MSRA: variants seen among roughly 807,000 people sequenced by gnomAD.
MSRA encodes mitochondrial peptide methionine sulfoxide reductase.
A neutral mutation model predicts 31.3 loss-of-function variants in MSRA; 54 were observed. That is an observed-to-expected ratio of 1.73 (90% CI 1.39 to 2.17). The LOEUF is 2.17. MSRA is among the 30% of genes most tolerant of loss of function. The pLI, the probability that MSRA is intolerant of heterozygous loss-of-function variation, is 0.00. For synonymous variants in MSRA, 169 were observed against 116.5 expected, an observed-to-expected ratio of 1.45 and a Z score of -2.90; for missense variants, 507 against 300.9, an observed-to-expected ratio of 1.69 and a Z score of -5.07.
chr8:10,291,861 T>C (rs985496936), intron 3 of MSRA, among the ~76,000 whole-genome samples: 12 of 152,106 alleles, frequency 7.9e-5, no homozygotes, highest in African/African-American at 2.9e-4. Context: ...CTAAGTCAAG[T>C]CTTTTTATTT....
At chr8:10,344,983 C>T (rs916242719) in intron 5 of MSRA, among the ~76,000 whole-genome samples, 1 of 152,120 alleles carries the variant, frequency 6.6e-6, no homozygotes, top group Non-Finnish European at 1.5e-5. Flanking sequence ...GGACAGCATT[C>T]GGTTTGGCGG....
chr8:10,088,692 C>T (rs1468216788), intron 1 of MSRA, among the ~76,000 whole-genome samples: 1 of 151,962 alleles, frequency 6.6e-6, no homozygotes, highest in East Asian at 1.9e-4. Context: ...GCTGAGATCA[C>T]ACCACTGTGC....
intron 5 of MSRA, among the ~76,000 whole-genome samples, chr8:10,323,282 A>G (rs1802161714): frequency 1.3e-5 from 2 of 152,004 alleles, no homozygotes; most frequent in African/African-American, 2.4e-5. Context: ...TAAAGGCAGT[A>G]TTTATAACTA....
At chr8:10,168,267 C>T (rs775163244) in intron 1 of MSRA, among the ~76,000 whole-genome samples, 1 of 152,170 alleles carries the variant, frequency 6.6e-6, no homozygotes, top group African/African-American at 2.4e-5. Flanking sequence ...AATCTTGGTT[C>T]TAAAACCTTG....
chr8:10,167,334 C>A (rs1805231413), intron 1 of MSRA, among the ~76,000 whole-genome samples: 1 of 152,154 alleles, frequency 6.6e-6, no homozygotes, highest in South Asian at 2.1e-4. Flanking sequence ...AAACCAATCA[C>A]ATAATGATCT....
intron 1 of MSRA, among the ~76,000 whole-genome samples, chr8:10,078,596 A>G (rs1368439341): frequency 6.6e-6 from 1 of 152,240 alleles, no homozygotes; most frequent in East Asian, 1.9e-4. Flanking sequence ...GTGAAAGTGT[A>G]GGGCTGGCAG....
intron 5 of MSRA, among the ~76,000 whole-genome samples, chr8:10,365,878 C>G (rs965982434): frequency 2.6e-5 from 4 of 152,226 alleles, no homozygotes; most frequent in Non-Finnish European, 5.9e-5. Flanking sequence ...ACTCCTGGCT[C>G]CAGGCATCTC....
rs571868174 is a variant in MSRA, at chr8:10,412,305, C to T, written c.544-15843C>T. Among the ~76,000 whole-genome samples the T allele has an allele frequency of 6.6e-5, 10 of 152,288 alleles. No individual in the cohort carries two copies. In the South Asian group the frequency reaches 2.1e-3, roughly 32 times the overall value. On this transcript the variant is annotated intron_variant, in intron 5 of 5. Transcript: ENST00000317173. ...ACGTTTCTTTAAATTAAAAGTTCCT[C>T]AATTACAAGGGCCACAGGCTTGTCA... is the stretch of plus-strand genomic sequence containing the variant.
intron 5 of MSRA, among the ~76,000 whole-genome samples, chr8:10,339,886 A>C (rs1478920198): frequency 6.6e-6 from 1 of 152,072 alleles, no homozygotes; most frequent in Non-Finnish European, 1.5e-5. Context: ...ACGAGAGGGA[A>C]CATAAGGACC....
intron 2 of MSRA, among the ~76,000 whole-genome samples, chr8:10,231,621 G>T (rs905560462): frequency 7.9e-5 from 12 of 152,216 alleles, no homozygotes; most frequent in African/African-American, 2.9e-4. Context: ...ATGTGAAAAG[G>T]GTCGGGTGCA....
At chr8:10,268,076 T>A (rs1798838633) in intron 3 of MSRA, among the ~76,000 whole-genome samples, 1 of 152,206 alleles carries the variant, frequency 6.6e-6, no homozygotes, top group East Asian at 1.9e-4. Flanking sequence ...AATTTTTATT[T>A]ATAACTCTAG....
chr8:10,079,936 C>T (rs902900197), intron 1 of MSRA, among the ~76,000 whole-genome samples: 1 of 152,214 alleles, frequency 6.6e-6, no homozygotes, highest in Non-Finnish European at 1.5e-5. Flanking sequence ...TTCCTAGAGG[C>T]TCTTTTTTCC....
At chr8:10,327,455 T>C (rs920545507) in intron 5 of MSRA, among the ~76,000 whole-genome samples, 3 of 152,182 alleles carry the variant, frequency 2.0e-5, no homozygotes, top group Admixed American at 1.3e-4. Context: ...TACAAATGGG[T>C]TCCAGCTAGC....
intron 2 of MSRA, among the ~76,000 whole-genome samples, chr8:10,233,640 G>T (rs576409072): frequency 6.6e-6 from 1 of 152,314 alleles, no homozygotes; most frequent in Non-Finnish European, 1.5e-5. Context: ...CATAGAGCAG[G>T]AAAAAGAAGA....
At chr8:10,157,175 C>T (rs1804227692) in intron 1 of MSRA, among the ~76,000 whole-genome samples, 1 of 152,106 alleles carries the variant, frequency 6.6e-6, no homozygotes, top group African/African-American at 2.4e-5. Context: ...AACCATTTTA[C>T]ATAGTTTCTA....
chr8:10,256,067 C>T (rs1263629326), intron 3 of MSRA, among the ~76,000 whole-genome samples: 2 of 152,076 alleles, frequency 1.3e-5, no homozygotes, highest in Admixed American at 6.6e-5. Context: ...CTGTGTCCAC[C>T]ATGAAGTTAT....
At chr8:10,388,838 A>G (rs1379397056) in intron 5 of MSRA, among the ~76,000 whole-genome samples, 8 of 151,814 alleles carry the variant, frequency 5.3e-5, no homozygotes, top group South Asian at 4.2e-4. Flanking sequence ...ACTAGATGCC[A>G]TTAGCTTGCT....
chr8:10,106,860 C>T (rs182333864), intron 1 of MSRA, among the ~76,000 whole-genome samples: 15 of 152,022 alleles, frequency 9.9e-5, no homozygotes, highest in Admixed American at 5.2e-4. Flanking sequence ...TAACTACCCA[C>T]GCACCTACCC....
chr8:10,085,433 C>T (rs889828656), intron 1 of MSRA, among the ~76,000 whole-genome samples: 15 of 152,310 alleles, frequency 9.8e-5, no homozygotes, highest in African/African-American at 3.4e-4. Flanking sequence ...CACGTGATAT[C>T]TAATAACTTC....
Sources: allele counts gnomAD v4.1 joint callset (sites outside exome capture counted in the v4.1 genomes callset), GRCh38; gene constraint gnomAD v4.1.1; transcripts MANE v1.5; gene names NCBI Gene and HGNC (gene_info 2026-07-23, HGNC 2026-07-21).